Variants in PFKFB4 observed in about 807,000 individuals in gnomAD.
PFKFB4 encodes 6-phosphofructo-2-kinase/fructose-2,6-bisphosphatase 4.
PFKFB4 carries 42 observed loss-of-function variants against 62.8 expected under a neutral mutation model. The observed-to-expected ratio is 0.67, with a 90% CI of 0.52 to 0.86. The LOEUF (loss-of-function observed/expected upper bound fraction) is 0.86. Ranked by LOEUF, PFKFB4 falls within the 40% of genes least tolerant of loss-of-function variation. The pLI is 0.00. For missense variants in PFKFB4, 475 were observed against 627.2 expected, an observed-to-expected ratio of 0.76 and a Z score of 2.59; for synonymous variants, 204 against 240.7, an observed-to-expected ratio of 0.85 and a Z score of 1.41.
intron 12 of PFKFB4, among the ~76,000 whole-genome samples, chr3:48,522,742 C>T (rs2107451291): frequency 6.6e-6 from 1 of 151,978 alleles, no homozygotes; most frequent in East Asian, 1.9e-4. Context: ...TCTGTGGCCA[C>T]ATAAACTTTT....
chr3:48,539,439 C>A (rs907572487), intron 5 of PFKFB4, 129 bp from the exon 6 acceptor site: 31 of 860,182 alleles, frequency 3.6e-5, no homozygotes, highest in Non-Finnish European at 5.6e-5. Flanking sequence ...GGCCCTGAAA[C>A]CCTGCTTCAG....
chr3:48,525,140 C>T (rs947582965), intron 10 of PFKFB4, among the ~76,000 whole-genome samples: 12 of 152,152 alleles, frequency 7.9e-5, no homozygotes, highest in Non-Finnish European at 5.9e-5. Flanking sequence ...TTGAGCGCCC[C>T]GGAAAGGGCT....
chr3:48,554,712 T>G (rs1240861309), intron 1 of PFKFB4, among the ~76,000 whole-genome samples: 2 of 152,200 alleles, frequency 1.3e-5, no homozygotes, highest in African/African-American at 4.8e-5. Context: ...ATGGTAGTGA[T>G]GACAGAATAC....
intron 9 of PFKFB4, among the ~76,000 whole-genome samples, chr3:48,526,572 CAAAA>C (rs1427105726): frequency 3.8e-5 from 3 of 77,998 alleles, no homozygotes; most frequent in Admixed American, 1.4e-4. Context: ...GACTCTGTCT[CAAAA>C]AAAAAAAAAA....
At chr3:48,529,394 T>C (rs976739860) in intron 9 of PFKFB4, among the ~76,000 whole-genome samples, 1 of 152,172 alleles carries the variant, frequency 6.6e-6, no homozygotes, top group Non-Finnish European at 1.5e-5. Context: ...TAATGGATCA[T>C]AAAAACTGTA....
At chr3:48,538,368 A>T (rs1315675931) in intron 7 of PFKFB4, 130 bp downstream of exon 7, 3 of 1,175,346 alleles carry the variant, frequency 2.6e-6, no homozygotes, top group Non-Finnish European at 3.6e-6. Context: ...AAGGAAATAA[A>T]CAAGAAAGGT....
At chr3:48,545,874 G>A (rs1247291928) in intron 3 of PFKFB4, among the ~76,000 whole-genome samples, 2 of 152,162 alleles carry the variant, frequency 1.3e-5, no homozygotes, top group African/African-American at 4.8e-5. Flanking sequence ...AACTGGCATT[G>A]GTAGGGACAT....
chr3:48,539,427 C>A, intron 5 of PFKFB4, 117 bp from the exon 6 acceptor site: 1 of 930,450 alleles, frequency 1.1e-6, no homozygotes, highest in Non-Finnish European at 1.7e-6. Flanking sequence ...GACAAGCAGC[C>A]AGGCCCTGAA....
chr3:48,525,314 C>A (rs2042222555), intron 10 of PFKFB4, among the ~76,000 whole-genome samples: 1 of 152,158 alleles, frequency 6.6e-6, no homozygotes. Context: ...GAGCAGGGAG[C>A]CAAAGGTCTC....
Position 48,523,539 on chromosome 3 carries a change from T to C in PFKFB4, c.1283A>G (p.Tyr428Cys), listed in dbSNP as rs777756735. Residue 428 changes from tyrosine to cysteine, a missense_variant and splice_region_variant, in exon 12 of 14, where the codon TAT becomes TGT. Physicochemically the swap from Tyr to Cys is radical, Grantham distance 194. Transcript: ENST00000232375. ...HTVLKLTPVA[Y>C]GCKVESIFLN... ...CAATGTGCAGGAAGCTTCCTTACCA[T>C]ATGCCACAGGAGTCAGCTTCAGGAC... The C allele has an allele frequency of 6.2e-7, 1 of 1,613,866 alleles. No individual in the cohort carries two copies. Among genetic ancestry groups the C allele is most frequent in the Non-Finnish European group, 8.5e-7 (1 of 1,179,818 alleles).
intron 9 of PFKFB4, among the ~76,000 whole-genome samples, chr3:48,532,035 G>A (rs901161640): frequency 1.3e-5 from 2 of 152,204 alleles, no homozygotes; most frequent in Admixed American, 6.5e-5. Flanking sequence ...GGCCGGGTGC[G>A]GTGGCTCACG....
At chr3:48,557,080 A>G, upstream of PFKFB4, 4 of 848,630 alleles carry the variant, frequency 4.7e-6, no homozygotes, top group Non-Finnish European at 6.3e-6. Flanking sequence ...GCCCCAGTTC[A>G]AGGCCCGGAT....
intron 9 of PFKFB4, among the ~76,000 whole-genome samples, chr3:48,526,600 T>C (rs907778742): frequency 1.4e-5 from 2 of 145,888 alleles, no homozygotes; most frequent in African/African-American, 2.5e-5. Context: ...GATGGGGACA[T>C]ATTGGATTAG....
chr3:48,540,686 T>C (rs1010471449), intron 4 of PFKFB4, among the ~76,000 whole-genome samples: 19 of 152,198 alleles, frequency 1.2e-4, no homozygotes, highest in African/African-American at 4.6e-4. Flanking sequence ...CATAGCTCAC[T>C]GCAGCCTCAA....
At chr3:48,529,502 C>T (rs2042367495) in intron 9 of PFKFB4, among the ~76,000 whole-genome samples, 1 of 152,130 alleles carries the variant, frequency 6.6e-6, no homozygotes, top group Non-Finnish European at 1.5e-5. Flanking sequence ...CTGCAGGCTT[C>T]TCTGCAAAAC....
chr3:48,545,004 G>A (rs1415701491), intron 3 of PFKFB4, among the ~76,000 whole-genome samples: 3 of 151,822 alleles, frequency 2.0e-5, no homozygotes, highest in African/African-American at 4.8e-5. Flanking sequence ...GATTACAGGC[G>A]CGAGCCACTG....
intron 1 of PFKFB4, among the ~76,000 whole-genome samples, chr3:48,553,990 A>G (rs1316762324): frequency 1.3e-5 from 2 of 152,148 alleles, no homozygotes; most frequent in Admixed American, 6.5e-5. Flanking sequence ...TCGGAGGCCA[A>G]TGATGGGAAA....
chr3:48,559,422 C>T, upstream of PFKFB4: 2 of 427,580 alleles, frequency 4.7e-6, no homozygotes, highest in Non-Finnish European at 9.6e-6. Flanking sequence ...AGCGAGTCCA[C>T]AGTGCAGCAT....
intron 9 of PFKFB4, among the ~76,000 whole-genome samples, chr3:48,527,474 G>A (rs2042299907): frequency 6.6e-6 from 1 of 151,910 alleles, no homozygotes; most frequent in Non-Finnish European, 1.5e-5. Context: ...ACCAGGAGGT[G>A]AAGTGCTGCT....
Sources: gnomAD v4.1 joint callset for allele counts (sites outside exome capture counted in the v4.1 genomes callset) on GRCh38, gnomAD v4.1.1 for gene constraint, MANE v1.5 for transcripts, NCBI Gene and HGNC (gene_info 2026-07-23, HGNC 2026-07-21) for gene names.